The following TBL1X variants were observed in gnomAD, a reference collection of about 807,000 sequenced individuals.
TBL1X encodes F-box-like/WD repeat-containing protein TBL1X.
In TBL1X, 10 loss-of-function variants were observed where a neutral mutation model predicts 50.7. The ratio of observed to expected loss-of-function variants is 0.20; its 90% CI spans 0.12 to 0.33. TBL1X has a LOEUF of 0.33. TBL1X is among the 10% of genes least tolerant of loss of function. The pLI is 1.00. For synonymous variants in TBL1X, 190 were observed against 214.7 expected, an observed-to-expected ratio of 0.88 and a Z score of 1.01; for missense variants, 340 against 504.4, an observed-to-expected ratio of 0.67 and a Z score of 3.12.
At chrX:9,558,104 C>T (rs893328004) in intron 2 of TBL1X, among the ~76,000 whole-genome samples, 4 of 112,703 alleles carry the variant, frequency 3.5e-5, no homozygotes, top group Admixed American at 1.9e-4. Flanking sequence ...TTAAAGGTGT[C>T]ACTCAATTTA....
In TBL1X at chrX:9,711,722, G is replaced by A; in HGVS notation, c.1551G>A (p.Gly517=). ...PVYSVAFSPD[G]KYLASGSFDK... ...ATAGCGTAGCTTTCAGCCCTGATGG[G>A]AAGTACTTGGCCAGTGGATCCTTCG... Residue 517 remains glycine, a synonymous_variant, in exon 16 of 18, where the codon GGG becomes GGA. Transcript: ENST00000645353. 8.3e-7 allele frequency: 1 copy of A among 1,208,855 alleles called. No homozygotes were observed. The highest frequency in any genetic ancestry group is 1.1e-6 in the Non-Finnish European group (1 of 893,722).
At chrX:9,701,558 G>T (rs186200607) in intron 12 of TBL1X, among the ~76,000 whole-genome samples, 1 of 58,548 alleles carries the variant, frequency 1.7e-5, no homozygotes, top group Non-Finnish European at 2.8e-5. Context: ...ACTAACAATA[G>T]CTTGATGAGC....
At chrX:9,504,979 A>G (rs1021781462) in intron 2 of TBL1X, among the ~76,000 whole-genome samples, 9 of 111,485 alleles carry the variant, frequency 8.1e-5, no homozygotes, top group Admixed American at 2.9e-4. Context: ...AAGATACTCT[A>G]TGAGACGATC....
rs756897949 is a variant in TBL1X at position 9,476,914 on chromosome X, T to C, written c.-201+11467T>C. Among the ~76,000 whole-genome samples the C allele has an allele frequency of 3.6e-5, 4 of 112,477 alleles. No homozygotes were observed. The East Asian group carries it at 1.1e-3, about 31-fold the overall frequency. On this transcript the variant is annotated intron_variant, in intron 1 of 17. Transcript: ENST00000645353. The stretch of plus-strand genomic sequence containing the variant: ...TGAAGTTAGCAAAATTATATAACCT[T>C]AGTTAATTATATTAGTGTACTCAAA...
intron 2 of TBL1X, among the ~76,000 whole-genome samples, chrX:9,572,840 A>G (rs1412662120): frequency 2.7e-5 from 3 of 112,626 alleles, no homozygotes; most frequent in Non-Finnish European, 3.7e-5. Flanking sequence ...TAGGGTTGCC[A>G]TAACAAAGTT....
intron 16 of TBL1X, among the ~76,000 whole-genome samples, chrX:9,714,576 AGCCACTT>A (rs2083266915): frequency 8.9e-6 from 1 of 112,113 alleles, no homozygotes; most frequent in East Asian, 2.8e-4. Flanking sequence ...AGAGTCCATG[AGCCACTT>A]ACCCACCAGA....
chrX:9,653,596 C>T lies in TBL1X; in HGVS notation c.10C>T (p.Leu4Phe), dbSNP rs147021961. The T allele has an allele frequency of 6.8e-6, 8 of 1,168,193 alleles. No homozygotes were observed. In the African/African-American group the frequency reaches 1.4e-4, roughly 21 times the overall value. MTE[L>F]AGASSSCCHR... ...CGAGGTGACATGTAGCATGACCGAGCTCGCTGGCGCCTCTTCATCGTGCTG... is the reference window on the plus strand; with the variant it reads ...CGAGGTGACATGTAGCATGACCGAGTTCGCTGGCGCCTCTTCATCGTGCTG... The change falls in exon 4 of 18, where the codon CTC becomes TTC. Residue 4 changes from leucine to phenylalanine, a missense_variant. By Grantham distance (22) the Leu-to-Phe change is conservative. This residue lies in a region of TBL1X where 41 missense variants were observed against 48.6 expected (regional missense o/e 0.84). Coordinates refer to ENST00000645353, the MANE Select transcript of TBL1X (RefSeq NM_005647.4).
At position 9,653,584 on chromosome X, in the gene TBL1X, A is replaced by G. The variant is rs2082848128; in HGVS notation, c.-3A>G. The G allele has an allele frequency of 1.7e-6, 2 of 1,166,862 alleles. No homozygotes were observed. Among genetic ancestry groups the G allele is most frequent in the South Asian group, 3.8e-5 (2 of 52,542 alleles). On this transcript the variant is annotated 5_prime_UTR_variant, in exon 4 of 18. The change abolishes the stop of an existing upstream ORF in the 5' untranslated region. Transcript: ENST00000645353. Reference sequence around the variant, plus strand: ...TTGCAGAAACATCGAGGTGACATGTAGCATGACCGAGCTCGCTGGCGCCTC... The same window carrying G: ...TTGCAGAAACATCGAGGTGACATGTGGCATGACCGAGCTCGCTGGCGCCTC...
chrX:9,632,715 G>C (rs2082727842), intron 2 of TBL1X, among the ~76,000 whole-genome samples: 1 of 111,936 alleles, frequency 8.9e-6, no homozygotes, highest in Non-Finnish European at 1.9e-5. Flanking sequence ...CTCCATATTG[G>C]CTCCTTGGAC....
chrX:9,624,334 T>C (rs189440733), intron 2 of TBL1X, among the ~76,000 whole-genome samples: 1 of 112,204 alleles, frequency 8.9e-6, no homozygotes, highest in African/African-American at 3.2e-5. Context: ...CGTTAGCTTC[T>C]TTCACTTAAA....
At chrX:9,614,820 T>A (rs2239405) in intron 2 of TBL1X, among the ~76,000 whole-genome samples, 46,396 of 110,736 alleles carry the variant, frequency 0.42, 7,782 homozygotes, top group East Asian at 0.68. Flanking sequence ...CAAAAAGCAG[T>A]AACCTCTTTT....
At chrX:9,476,597 A>C (rs2081850834) in intron 1 of TBL1X, among the ~76,000 whole-genome samples, 1 of 112,200 alleles carries the variant, frequency 8.9e-6, no homozygotes, top group Non-Finnish European at 1.9e-5. Context: ...GCAGCTGTCT[A>C]GGTTTAGTTT....
chrX:9,608,407 A>C (rs766352656), intron 2 of TBL1X, among the ~76,000 whole-genome samples: 1 of 112,102 alleles, frequency 8.9e-6, no homozygotes, highest in African/African-American at 3.2e-5. Flanking sequence ...TTATGTTAAA[A>C]TATATCAGTG....
At chrX:9,691,551 A>T in intron 7 of TBL1X, 28 bp from the exon 8 acceptor site, 6 of 1,207,170 alleles carry the variant, frequency 5.0e-6, no homozygotes, top group Non-Finnish European at 6.7e-6. Context: ...TTGGTAAGCC[A>T]CTTGTCTCTT....
chrX:9,716,436 A>C lies in TBL1X; in HGVS notation c.*190A>C, dbSNP rs1280486733. 1 of 424,530 alleles carries C rather than the reference A, an allele frequency of 2.4e-6. No homozygotes were observed. The highest frequency in any genetic ancestry group is 2.5e-5 in the African/African-American group (1 of 39,878). The allele number at this position is 424,530 out of a possible 1,213,427, so 35.0% of individuals were successfully genotyped here. A position where few individuals can be genotyped will look rare whatever the true frequency, so the allele number is the denominator to read the frequency against. ...ATCAAGAAGTTTTTAAAAGGCAAGCAAAAACAGAAGCAAATCATATCAAAC... is the reference window on the plus strand; with the variant it reads ...ATCAAGAAGTTTTTAAAAGGCAAGCCAAAACAGAAGCAAATCATATCAAAC... On this transcript the variant is annotated 3_prime_UTR_variant, in exon 18 of 18. Coordinates refer to ENST00000645353, the MANE Select transcript of TBL1X (RefSeq NM_005647.4).
At chrX:9,492,865 GTGTGTGTGTGTGTGTGTGTGTGTGTGTGT>G (rs1289897096) in intron 1 of TBL1X, among the ~76,000 whole-genome samples, 5 of 47,942 alleles carry the variant, frequency 1.0e-4, no homozygotes, top group East Asian at 8.0e-4. Context: ...GTGTGTGTGT[GTGTGTGTGTGTGTGTGTGTGTGTGTGTGT>G]GTGTAGGGGA....
chrX:9,564,385 A>G (rs1381179169), intron 2 of TBL1X, among the ~76,000 whole-genome samples: 1 of 111,097 alleles, frequency 9.0e-6, no homozygotes, highest in African/African-American at 3.3e-5. Flanking sequence ...GAATTCTCAA[A>G]CAAAGGTGTT....
chrX:9,510,770 CTG>C (rs2082051543), intron 2 of TBL1X, among the ~76,000 whole-genome samples: 1 of 112,137 alleles, frequency 8.9e-6, no homozygotes, highest in Non-Finnish European at 1.9e-5. Context: ...AAGAAAAAGA[CTG>C]AGGTCCGCCA....
At chrX:9,524,079 T>G (rs2082120758) in intron 2 of TBL1X, among the ~76,000 whole-genome samples, 1 of 104,154 alleles carries the variant, frequency 9.6e-6, no homozygotes, top group South Asian at 4.8e-4. Context: ...GCAATTCTCC[T>G]GCCTCAGCCT....
Sources: gnomAD v4.1 joint callset for allele counts (sites outside exome capture counted in the v4.1 genomes callset) on GRCh38, gnomAD v4.1.1 for gene constraint, gnomAD v4.1.1 regional missense constraint, MANE v1.5 for transcripts, NCBI Gene and HGNC (gene_info 2026-07-23, HGNC 2026-07-21) for gene names.